The following FBXO32 variants were observed in gnomAD, a reference collection of about 807,000 sequenced individuals.
The protein encoded by FBXO32 is F-box protein 32.
Under a neutral mutation model 48.3 loss-of-function variants are expected in FBXO32, and 15 were observed. The observed-to-expected ratio is 0.31, with a 90% CI of 0.21 to 0.48. The LOEUF (loss-of-function observed/expected upper bound fraction) is 0.48, where lower values mean the gene tolerates loss of function less well. Among genes scored for constraint, FBXO32 ranks in the 20% least tolerant of loss-of-function variants. The probability of loss-of-function intolerance (pLI) is 0.99; values close to 1 mark genes in which losing one functional copy is unlikely to be tolerated. For missense variants in FBXO32, 309 were observed against 432.7 expected (o/e 0.71, Z 2.54); for synonymous variants, 154 against 165.9 (o/e 0.93, Z 0.55).
Position 123,502,529 on chromosome 8 carries a change from A to G in FBXO32, c.*844T>C, listed in dbSNP as rs1048515. The G allele has an allele frequency of 0.63, 95,936 of 152,024 alleles. 33,541 individuals are homozygous for G. The highest frequency in any genetic ancestry group is 0.8 in the South Asian group (3,840 of 4,822). 9.4% of individuals were successfully genotyped at this position (152,024 alleles called of 1,614,324 possible). On this transcript the variant is annotated 3_prime_UTR_variant, in exon 9 of 9. Coordinates refer to ENST00000517956, the MANE Select transcript of FBXO32 (RefSeq NM_058229.4). ...AACCTCAGACTCCTGGGCTCAAGCA[A>G]TCCTCCCCTGGGACTGTTTTAAGTT...
At chr8:123,516,352 A>C (rs1816838741) in intron 4 of FBXO32, among the ~76,000 whole-genome samples, 1 of 152,054 alleles carries the variant, frequency 6.6e-6, no homozygotes, top group Non-Finnish European at 1.5e-5. Flanking sequence ...GAGAACCGAG[A>C]CCCCTCCTTT....
chr8:123,522,201 G>A (rs986296666), intron 4 of FBXO32, among the ~76,000 whole-genome samples: 2 of 143,352 alleles, frequency 1.4e-5, no homozygotes, highest in Non-Finnish European at 3.0e-5. Flanking sequence ...ACCCATCCTG[G>A]TTACTTTTTT....
chr8:123,513,089 A>G lies in FBXO32; in HGVS notation c.651+109T>C, dbSNP rs1265974608. ...CACCAGAACAAAGCAGCAGATCAGA[A>G]AAGACCAGACTCTTCCGTCACAGGA... On this transcript the variant is annotated intron_variant, in intron 6 of 8. Transcript: ENST00000517956. This position sits in a 1 kb window ranked among gnomAD's most constrained non-coding sequence, Gnocchi z 4.3. 8.2e-7 allele frequency: 1 copy of G among 1,215,788 alleles called. No homozygotes were observed. The highest frequency in any genetic ancestry group is 1.5e-5 in the South Asian group (1 of 68,516). 75.3% of individuals were successfully genotyped at this position (1,215,788 alleles called of 1,614,324 possible). A position where few individuals can be genotyped will look rare whatever the true frequency, so the allele number is the denominator to read the frequency against.
In FBXO32 at chr8:123,512,559, G is replaced by T. The variant is rs955644822; in HGVS notation, c.651+639C>A. On this transcript the variant is annotated intron_variant, in intron 6 of 8. Coordinates refer to ENST00000517956, the MANE Select transcript of FBXO32 (RefSeq NM_058229.4). ...TTTTTTTTTTTTTTTCTTGTGCCTTGGTCCTCCTGCTCACTATTAGGAGGA... is the reference window on the plus strand; with the variant it reads ...TTTTTTTTTTTTTTTCTTGTGCCTTTGTCCTCCTGCTCACTATTAGGAGGA... Among the ~76,000 whole-genome samples, 40 of 135,610 alleles carry T rather than the reference G, an allele frequency of 2.9e-4. 2 individuals carry two copies. In the East Asian group the frequency reaches 7.2e-3, roughly 24 times the overall value. The allele number at this position is 135,610 out of a possible 152,430, so 89.0% of individuals were successfully genotyped here.
In FBXO32 at chr8:123,532,033, A is replaced by T; in HGVS notation, c.280-43T>A. ...GGCACAGAAGTTACTCCTGCCATGCAGAGGTCACCCAAGTAAGAATGAGCC... is the reference window on the plus strand; with the variant it reads ...GGCACAGAAGTTACTCCTGCCATGCTGAGGTCACCCAAGTAAGAATGAGCC... On this transcript the variant is annotated intron_variant, in intron 3 of 8. Coordinates refer to ENST00000517956, the MANE Select transcript of FBXO32 (RefSeq NM_058229.4). 1.9e-6 allele frequency: 3 copies of T among 1,611,194 alleles called. No homozygotes were observed. The Admixed American group carries it at 5.0e-5, about 27-fold the overall frequency.
rs191386630 is a variant in FBXO32 at position 123,530,719 on chromosome 8, A to G, written c.372+1179T>C. Among the ~76,000 whole-genome samples the G allele has an allele frequency of 3.3e-5, 5 of 151,838 alleles. No individual in the cohort carries two copies. In the East Asian group the frequency reaches 7.8e-4, roughly 24 times the overall value. On this transcript the variant is annotated intron_variant, in intron 4 of 8. Transcript: ENST00000517956. ...AACCTCCGCCTCCTGGATTCAAGCG[A>G]TTCTCCTGCCTCAGCCTCCCGAGTA...
intron 4 of FBXO32, among the ~76,000 whole-genome samples, chr8:123,521,452 C>T (rs1177587504): frequency 6.6e-6 from 1 of 152,162 alleles, no homozygotes; most frequent in Non-Finnish European, 1.5e-5. Flanking sequence ...ACTGATGCCC[C>T]AGGAGTGGCA....
At chr8:123,534,605 G>A (rs1817274889) in intron 2 of FBXO32, 97 bp downstream of exon 2, 2 of 704,392 alleles carry the variant, frequency 2.8e-6, no homozygotes, top group African/African-American at 1.8e-5. Flanking sequence ...CACTGAGGCA[G>A]ATGTGTGACA....
At chr8:123,507,963 T>C (rs993242521) in intron 6 of FBXO32, among the ~76,000 whole-genome samples, 16 of 152,174 alleles carry the variant, frequency 1.1e-4, no homozygotes, top group Admixed American at 2.6e-4. Flanking sequence ...AATCCGCATA[T>C]GTATTTGCTG....
In FBXO32 at chr8:123,540,990, G is replaced by T. The variant is rs775501700; in HGVS notation, c.25C>A (p.Arg9=). The part of the protein sequence containing the change: MPFLGQDW[R]SPGQNWVKTA... ...TTCACCCAGTTCTGCCCGGGGGACC[G>T]CCAGTCCTGCCCGAGGAATGGCATG... is the stretch of plus-strand genomic sequence containing the variant. Residue 9 remains arginine, a synonymous_variant, in exon 1 of 9, where the codon CGG becomes AGG. Coordinates refer to ENST00000517956, the MANE Select transcript of FBXO32 (RefSeq NM_058229.4). This position sits in a 1 kb window ranked among gnomAD's most constrained non-coding sequence, Gnocchi z 6.4. 6.2e-7 allele frequency: 1 copy of T among 1,611,464 alleles called. No homozygotes were observed. Among genetic ancestry groups the T allele is most frequent in the South Asian group, 1.1e-5 (1 of 90,974 alleles).
chr8:123,528,036 A>G (rs1817123186), intron 4 of FBXO32, among the ~76,000 whole-genome samples: 1 of 152,226 alleles, frequency 6.6e-6, no homozygotes, highest in Admixed American at 6.5e-5. Flanking sequence ...TGGGCTCCAA[A>G]GCAGTTTCTG....
intron 4 of FBXO32, among the ~76,000 whole-genome samples, chr8:123,530,180 G>A (rs111736914): frequency 0.022 from 3,423 of 152,234 alleles, 138 homozygotes; most frequent in African/African-American, 0.074. Flanking sequence ...TGCTCATGTG[G>A]TCACAGGCTC....
At position 123,500,273 on chromosome 8, in the gene FBXO32, T is replaced by A. The variant is rs1205108470; in HGVS notation, c.*3100A>T. ...ATAAACCTTTGAGTTGGACCAAATC[T>A]TAACATCCCTGTGGATTTGCTCATA... is the stretch of plus-strand genomic sequence containing the variant. On this transcript the variant is annotated 3_prime_UTR_variant, in exon 9 of 9. Coordinates refer to ENST00000517956, the MANE Select transcript of FBXO32 (RefSeq NM_058229.4). The A allele has an allele frequency of 6.6e-6, 1 of 152,228 alleles. No individual in the cohort carries two copies. Among genetic ancestry groups the A allele is most frequent in the Non-Finnish European group, 1.5e-5 (1 of 68,042 alleles). The allele number at this position is 152,228 out of a possible 1,614,324, so 9.4% of individuals were successfully genotyped here.
In FBXO32 at chr8:123,504,695, ATCT is replaced by A. The variant is rs2130498264; in HGVS notation, c.884_886del (p.Lys295del). ...GTAACATCGGACAAGTTTGAAATAC[ATCT>A]TCTTCCAATCCAGCTGCCCTTTGTC... is the stretch of plus-strand genomic sequence containing the variant. On this transcript the variant is annotated inframe_deletion, in exon 8 of 9. Transcript: ENST00000517956. 1 of 1,614,112 alleles carries A rather than the reference ATCT, an allele frequency of 6.2e-7. No individual in the cohort carries two copies. The highest frequency in any genetic ancestry group is 8.5e-7 in the Non-Finnish European group (1 of 1,179,996).
chr8:123,522,835 C>A (rs573399970), intron 4 of FBXO32, among the ~76,000 whole-genome samples: 1 of 152,178 alleles, frequency 6.6e-6, no homozygotes, highest in African/African-American at 2.4e-5. Flanking sequence ...AAGAAGCCAT[C>A]TCCAAGGCTC....
At chr8:123,533,300 A>G in intron 2 of FBXO32, 60 bp from the exon 3 acceptor site, 2 of 1,301,226 alleles carry the variant, frequency 1.5e-6, no homozygotes, top group South Asian at 2.5e-5. Flanking sequence ...GATTTAAGAC[A>G]TTTCATTTCA....
Position 123,525,016 on chromosome 8 carries a change from G to A in FBXO32, c.372+6882C>T, listed in dbSNP as rs1175749145. ...CTGTGGCAGAGGAACCTGTGTGAAGGGGCCAGGATGCTGATGCACATCAAG... is the reference window on the plus strand; with the variant it reads ...CTGTGGCAGAGGAACCTGTGTGAAGAGGCCAGGATGCTGATGCACATCAAG... On this transcript the variant is annotated intron_variant, in intron 4 of 8. Transcript: ENST00000517956. This position sits in a 1 kb window ranked among gnomAD's most constrained non-coding sequence, Gnocchi z 4.3. 6.6e-6 allele frequency among the ~76,000 whole-genome samples: 1 copy of A among 152,252 alleles called. No individual in the cohort carries two copies. The highest frequency in any genetic ancestry group is 1.9e-4 in the East Asian group (1 of 5,200).
At position 123,541,093 on chromosome 8, in the gene FBXO32, C is replaced by A; in HGVS notation, c.-79G>T. On this transcript the variant is annotated 5_prime_UTR_variant, in exon 1 of 9. Transcript: ENST00000517956. ...GGGGACGTGCCACCCGGGGCGGATG[C>A]TCGGGGTGCAGGGGCCCGCGACGGG... The A allele has an allele frequency of 2.1e-6, 2 of 965,188 alleles. No homozygotes were observed. Among genetic ancestry groups the A allele is most frequent in the Non-Finnish European group, 1.4e-6 (1 of 692,568 alleles). The allele number at this position is 965,188 out of a possible 1,614,324, so 59.8% of individuals were successfully genotyped here.
intron 3 of FBXO32, chr8:123,532,217 A>C: frequency 7.6e-7 from 1 of 1,307,962 alleles, no homozygotes; most frequent in Non-Finnish European, 9.7e-7. Context: ...CATGTCAAAC[A>C]CCCCCTTTTC....
Sources: allele counts gnomAD v4.1 joint callset (sites outside exome capture counted in the v4.1 genomes callset), GRCh38; gene constraint gnomAD v4.1.1; non-coding constraint Gnocchi (gnomAD v3.1); transcripts MANE v1.5; gene names NCBI Gene and HGNC (gene_info 2026-07-23, HGNC 2026-07-21).